Variants in EPB41L4B observed in about 807,000 individuals in gnomAD.
EPB41L4B encodes band 4.1-like protein 4B.
In EPB41L4B, 30 loss-of-function variants were observed where a neutral mutation model predicts 112.5. The ratio of observed to expected loss-of-function variants is 0.27; its 90% confidence interval spans 0.20 to 0.36. The LOEUF is 0.36. Ranked by LOEUF, EPB41L4B falls within the 10% of genes least tolerant of loss-of-function variation. The pLI, the probability that EPB41L4B is intolerant of heterozygous loss-of-function variation, is 1.00. For synonymous variants in EPB41L4B, 408 were observed against 439.7 expected (o/e 0.93, Z 0.90); for missense variants, 1,024 against 1,133.3 (o/e 0.90, Z 1.38).
intron 1 of EPB41L4B, among the ~76,000 whole-genome samples, chr9:109,304,217 AAAG>A (rs557898841): frequency 2.0e-5 from 3 of 152,232 alleles, no homozygotes; most frequent in Non-Finnish European, 4.4e-5. Context: ...ACTACTTTGA[AAAG>A]AAACCTTTAC....
chr9:109,205,896 G>A (rs542743808), intron 18 of EPB41L4B, among the ~76,000 whole-genome samples: 2 of 152,274 alleles, frequency 1.3e-5, no homozygotes, highest in Non-Finnish European at 2.9e-5. Flanking sequence ...AAGGTTCAAA[G>A]CCAGACCATC....
chr9:109,235,218 C>CA (rs1834096604), intron 15 of EPB41L4B, among the ~76,000 whole-genome samples: 1 of 152,106 alleles, frequency 6.6e-6, no homozygotes, highest in Admixed American at 6.6e-5. Flanking sequence ...AAAAGATCCC[C>CA]ATGGTGTTTC....
intron 5 of EPB41L4B, among the ~76,000 whole-genome samples, chr9:109,264,463 A>G (rs1314834670): frequency 1.3e-5 from 2 of 152,324 alleles, no homozygotes; most frequent in East Asian, 1.9e-4. Context: ...TTCAGTGCCA[A>G]TGCTTCTTAT....
chr9:109,311,887 T>C (rs1486092025), intron 1 of EPB41L4B, among the ~76,000 whole-genome samples: 1 of 152,054 alleles, frequency 6.6e-6, no homozygotes, highest in African/African-American at 2.4e-5. Flanking sequence ...GCAAAGGGGA[T>C]GATAACGTGC....
At chr9:109,290,154 C>T (rs1221462880) in intron 1 of EPB41L4B, among the ~76,000 whole-genome samples, 1 of 152,162 alleles carries the variant, frequency 6.6e-6, no homozygotes, top group Non-Finnish European at 1.5e-5. Flanking sequence ...CTAGTTCTAC[C>T]ACTTCTCTAG....
At position 109,313,431 on chromosome 9, in the gene EPB41L4B, TG is replaced by T. The variant is rs140446476; in HGVS notation, c.306+6709del. The stretch of plus-strand genomic sequence containing the variant: ...AGTGAGATTAGAGGGATTAGGGTGG[TG>T]GGGGGGCACACCAGGATGCTGCCCG... On this transcript the variant is annotated intron_variant, in intron 1 of 25. Coordinates refer to ENST00000374566, the MANE Select transcript of EPB41L4B (RefSeq NM_019114.5). 9.9e-3 allele frequency among the ~76,000 whole-genome samples: 1,506 copies of T among 152,064 alleles called. 26 individuals carry two copies. The highest frequency in any genetic ancestry group is 0.033 in the African/African-American group (1,380 of 41,470).
intron 2 of EPB41L4B, among the ~76,000 whole-genome samples, chr9:109,270,903 A>T (rs1051928373): frequency 6.6e-6 from 1 of 152,236 alleles, no homozygotes; most frequent in South Asian, 2.1e-4. Flanking sequence ...CCCAAGACTC[A>T]TTAAACAGAG....
chr9:109,239,276 T>C (rs765536145), intron 15 of EPB41L4B, among the ~76,000 whole-genome samples: 17 of 152,200 alleles, frequency 1.1e-4, no homozygotes, highest in Non-Finnish European at 2.2e-4. Context: ...AGATGATGTA[T>C]ACATTCTTAC....
chr9:109,314,591 T>C (rs1001003579), intron 1 of EPB41L4B, among the ~76,000 whole-genome samples: 2 of 151,564 alleles, frequency 1.3e-5, no homozygotes, highest in East Asian at 3.9e-4. Context: ...CTTGCTTGTA[T>C]CACGACACCC....
At chr9:109,202,115 C>G (rs576217492) in intron 19 of EPB41L4B, among the ~76,000 whole-genome samples, 43 of 152,158 alleles carry the variant, frequency 2.8e-4, no homozygotes, top group South Asian at 1.0e-3. Flanking sequence ...AGGAGAAAAG[C>G]AAGGACTCCC....
chr9:109,287,433 A>G (rs1000968639), intron 1 of EPB41L4B, among the ~76,000 whole-genome samples: 3 of 152,228 alleles, frequency 2.0e-5, no homozygotes, highest in African/African-American at 7.2e-5. Context: ...ATTAGTCTCA[A>G]TAGCATAAGA....
intron 1 of EPB41L4B, among the ~76,000 whole-genome samples, chr9:109,288,677 C>T (rs184052946): frequency 3.1e-4 from 41 of 133,552 alleles, no homozygotes; most frequent in Admixed American, 2.8e-3. Context: ...GAGCCGAGAT[C>T]GTGCCACTGC....
intron 17 of EPB41L4B, among the ~76,000 whole-genome samples, chr9:109,209,761 C>T (rs186710385): frequency 6.6e-6 from 1 of 152,240 alleles, no homozygotes; most frequent in African/African-American, 2.4e-5. Context: ...CATGTCTCAC[C>T]AAGTCCCCTC....
intron 15 of EPB41L4B, among the ~76,000 whole-genome samples, chr9:109,236,255 G>A (rs1050284946): frequency 2.6e-5 from 4 of 152,138 alleles, no homozygotes; most frequent in African/African-American, 9.7e-5. Flanking sequence ...ATAGATTGCA[G>A]GGGGCCAGTT....
intron 15 of EPB41L4B, among the ~76,000 whole-genome samples, chr9:109,221,523 T>C (rs893822037): frequency 1.3e-5 from 2 of 152,034 alleles, no homozygotes; most frequent in East Asian, 3.9e-4. Flanking sequence ...GACACCATCA[T>C]TGTCTAGGTG....
intron 15 of EPB41L4B, chr9:109,239,738 A>G (rs1241416645): frequency 1.2e-6 from 1 of 815,436 alleles, no homozygotes; most frequent in Non-Finnish European, 1.5e-6. Flanking sequence ...TACTTTAAGC[A>G]GAGAGGTATT....
At chr9:109,286,429 T>G (rs1836282014) in intron 1 of EPB41L4B, among the ~76,000 whole-genome samples, 1 of 152,182 alleles carries the variant, frequency 6.6e-6, no homozygotes, top group South Asian at 2.1e-4. Context: ...AACAAGCACC[T>G]AGGGAACTGT....
chr9:109,278,241 TCGA>T (rs1327196591), intron 2 of EPB41L4B, among the ~76,000 whole-genome samples: 1 of 151,952 alleles, frequency 6.6e-6, no homozygotes, highest in Non-Finnish European at 1.5e-5. Context: ...CCGGGAGGGT[TCGA>T]GGAGGACAGT....
intron 15 of EPB41L4B, chr9:109,241,586 C>A (rs1308035549): frequency 6.3e-7 from 1 of 1,591,862 alleles, no homozygotes. Context: ...ACACATCCAT[C>A]CATCTGAGGC....
Sources: allele counts gnomAD v4.1 joint callset (sites outside exome capture counted in the v4.1 genomes callset), GRCh38; gene constraint gnomAD v4.1.1; transcripts MANE v1.5; gene names NCBI Gene and HGNC (gene_info 2026-07-23, HGNC 2026-07-21).